Variants in SH2D3A observed in about 807,000 individuals in gnomAD.
The protein encoded by SH2D3A is SH2 domain containing 3A.
In SH2D3A, 46 loss-of-function variants were observed where a neutral mutation model predicts 50.6. That is an observed-to-expected ratio of 0.91 (90% CI 0.72 to 1.16). SH2D3A has a LOEUF of 1.16. Ranked by LOEUF, SH2D3A falls within the 50% of genes most tolerant of loss-of-function variation. The probability of loss-of-function intolerance (pLI) is 0.00; values close to 1 mark genes in which losing one functional copy is unlikely to be tolerated. For synonymous variants in SH2D3A, 377 were observed against 348.4 expected (o/e 1.08, Z -0.91); for missense variants, 783 against 786.2 (o/e 1.00, Z 0.05).
chr19:6,766,137 C>T (rs1970295073), intron 1 of SH2D3A, among the ~76,000 whole-genome samples: 1 of 152,176 alleles, frequency 6.6e-6, no homozygotes, highest in Non-Finnish European at 1.5e-5. Flanking sequence ...AGGGGAGGAG[C>T]GCTGGGCAGG....
At chr19:6,761,022 A>C (rs1843612813) in intron 2 of SH2D3A, 35 bp from the exon 3 acceptor site, 1 of 1,540,882 alleles carries the variant, frequency 6.5e-7, no homozygotes, top group African/African-American at 1.4e-5. Flanking sequence ...GGGAATTAGG[A>C]ATGAGTCCAG....
Position 6,754,419 on chromosome 19 carries a change from C to G in SH2D3A, c.1104G>C (p.Gln368His). The change falls in exon 7 of 10, where the codon CAG (glutamine) becomes CAC (histidine). Residue 368 changes from glutamine (Q) to histidine (H), a missense_variant. Physicochemically the swap from Gln to His is conservative, Grantham distance 24. Transcript: ENST00000245908. ...CCAGCGCCCCGGCCAGCGCCAGTGT[C>G]TGATGCCTGCAGAGGTGGAGGGCAA... is the stretch of plus-strand genomic sequence containing the variant. ...HLRLELLERH[Q>H]TLALAGALAV... 1 of 1,525,714 alleles carries G rather than the reference C, an allele frequency of 6.6e-7. No homozygotes were observed. The highest frequency in any genetic ancestry group is 1.3e-5 in the South Asian group (1 of 77,982). The allele number at this position is 1,525,714 out of a possible 1,614,324, so 94.5% of individuals were successfully genotyped here.
In SH2D3A at chr19:6,760,595, C is replaced by T. The variant is rs529115040; in HGVS notation, c.419+43G>A. On this transcript the variant is annotated intron_variant, in intron 3 of 9. Coordinates refer to ENST00000245908, the MANE Select transcript of SH2D3A (RefSeq NM_005490.3). ...TCAACCATTGAGTTGGAAAACCCTG[C>T]GAGTGTTGGGTGTTCTCAAGGAGGC... 5.5e-6 allele frequency: 8 copies of T among 1,448,732 alleles called. No homozygotes were observed. In the East Asian group the frequency reaches 7.1e-5, roughly 13 times the overall value. The allele number at this position is 1,448,732 out of a possible 1,614,324, so 89.7% of individuals were successfully genotyped here.
chr19:6,754,278 T>G lies in SH2D3A; in HGVS notation c.1245A>C (p.Ala415=), dbSNP rs371546821. ...GAAGDLPGLA[A]VMGALLMPQV... is the part of the protein sequence containing the mutation. Reference sequence around the variant, plus strand: ...GGGGCATGAGCAGGGCGCCCATGACTGCAGCCAGCCCGGGCAGGTCCCCCG... The same window carrying G: ...GGGGCATGAGCAGGGCGCCCATGACGGCAGCCAGCCCGGGCAGGTCCCCCG... The change falls in exon 7 of 10, where the codon GCA becomes GCC. Residue 415 remains alanine (A), a synonymous_variant. Transcript: ENST00000245908. 89 of 1,591,756 alleles carry G rather than the reference T, an allele frequency of 5.6e-5. No individual in the cohort carries two copies. The highest frequency in any genetic ancestry group is 5.1e-5 in the Admixed American group (3 of 58,894).
In SH2D3A at chr19:6,755,301, G is replaced by A. The variant is rs2145582544; in HGVS notation, c.511C>T (p.Pro171Ser). 2.6e-6 allele frequency: 4 copies of A among 1,513,318 alleles called. No individual in the cohort carries two copies. The highest frequency in any genetic ancestry group is 1.3e-5 in the South Asian group (1 of 74,504). 93.7% of individuals were successfully genotyped at this position (1,513,318 alleles called of 1,614,324 possible). Residue 171 changes from proline to serine, a missense_variant, in exon 5 of 10, where the codon CCC becomes TCC. By Grantham distance (74) the Pro-to-Ser change is moderately conservative. Transcript: ENST00000245908. ...CTCGTTCGGGGCAAGGCAGATATGG[G>A]CATGGTGGAGGCTTCTAGAGGTCAT... Reference protein sequence around the residue: ...DPAGMEASTMPISALPRTSSD... With the variant: ...DPAGMEASTMSISALPRTSSD...
Position 6,755,154 on chromosome 19 carries a change from C to T in SH2D3A, c.658G>A (p.Glu220Lys), listed in dbSNP as rs747117071. The T allele has an allele frequency of 3.9e-5, 63 of 1,608,896 alleles. No homozygotes were observed. Among genetic ancestry groups the T allele is most frequent in the African/African-American group, 9.4e-5 (7 of 74,778 alleles). ...GGACGTTCAGAGGCATCAGGCAGTT[C>T]GAAGGAGGGTGTCCGGGGGGGCTTC... ...PTKPPRTPSF[E>K]LPDASERPPT... is the part of the protein sequence containing the mutation. The change falls in exon 5 of 10, where the codon GAA becomes AAA. Residue 220 changes from glutamate to lysine, a missense_variant. Transcript: ENST00000245908.
At chr19:6,753,950 C>T (rs1969486782) in intron 8 of SH2D3A, 102 bp downstream of exon 8, 1 of 1,362,822 alleles carries the variant, frequency 7.3e-7, no homozygotes, top group Non-Finnish European at 9.8e-7. Flanking sequence ...GTGAAGGGAC[C>T]GGGCCTAGAA....
At chr19:6,753,916 C>T (rs1247793404) in intron 8 of SH2D3A, 136 bp downstream of exon 8, 2 of 1,154,966 alleles carry the variant, frequency 1.7e-6, no homozygotes, top group East Asian at 2.6e-5. Flanking sequence ...AGGACCAACC[C>T]TCATGTGGAG....
chr19:6,761,103 C>A, intron 2 of SH2D3A, 116 bp from the exon 3 acceptor site: 1 of 795,794 alleles, frequency 1.3e-6, no homozygotes, highest in African/African-American at 1.7e-5. Flanking sequence ...AGTGAAACTT[C>A]TGTGGCAGGC....
chr19:6,753,039 G>A, intron 9 of SH2D3A: 8 of 985,396 alleles, frequency 8.1e-6, no homozygotes, highest in Non-Finnish European at 9.6e-6. Context: ...CCTGGACGTG[G>A]GGCTGCCCCG....
At chr19:6,759,395 G>C (rs950553440) in intron 4 of SH2D3A, 199 bp downstream of exon 4, 15 of 493,158 alleles carry the variant, frequency 3.0e-5, no homozygotes, top group South Asian at 1.9e-4. Context: ...TTACAGGCAT[G>C]AGCCACCGCG....
chr19:6,760,890 G>A lies in SH2D3A; in HGVS notation c.167C>T (p.Ser56Leu), dbSNP rs770909990. 43 of 1,614,106 alleles carry A rather than the reference G, an allele frequency of 2.7e-5. No homozygotes were observed. In the South Asian group the frequency reaches 4.2e-4, roughly 16 times the overall value. The change falls in exon 3 of 10, where the codon TCA becomes TTA. Residue 56 changes from serine to leucine, a missense_variant. Ser to Leu is a moderately radical substitution (Grantham distance 145). Transcript: ENST00000245908. ...NPVISCRWRG[S>L]ALHFEVFRVA... ...ACGGAACACCTCAAAATGGAGGGCT[G>A]AGCCCCGCCAGCGGCAGGAGATCAC...
chr19:6,753,046 C>A (rs2145567120), intron 9 of SH2D3A: 1 of 985,292 alleles, frequency 1.0e-6, no homozygotes, highest in Admixed American at 6.1e-5. Context: ...GTGGGGCTGC[C>A]CCGAGGACGG....
chr19:6,760,041 C>T (rs2144618308), intron 3 of SH2D3A, among the ~76,000 whole-genome samples: 1 of 152,052 alleles, frequency 6.6e-6, no homozygotes, highest in African/African-American at 2.4e-5. Context: ...AAGTTCAAGA[C>T]CAGCCAGGCC....
At chr19:6,756,351 C>T (rs1277048737) in intron 4 of SH2D3A, among the ~76,000 whole-genome samples, 4 of 151,110 alleles carry the variant, frequency 2.6e-5, no homozygotes, top group Non-Finnish European at 5.9e-5. Flanking sequence ...TATAGAGAGA[C>T]AAAGTATAAA....
chr19:6,763,556 G>C (rs1970144545), intron 2 of SH2D3A, 124 bp downstream of exon 2: 2 of 747,752 alleles, frequency 2.7e-6, no homozygotes, highest in Non-Finnish European at 4.3e-6. Flanking sequence ...ACAGTCCCCA[G>C]CCCTCTGCCA....
At chr19:6,761,239 G>A (rs1599592163) in intron 2 of SH2D3A, 3 of 492,134 alleles carry the variant, frequency 6.1e-6, no homozygotes. Context: ...GGGATGTGGG[G>A]TAGAAGGGCT....
rs1381962109 is a variant in SH2D3A at position 6,760,958 on chromosome 19, G to A, written c.99C>T (p.Gly33=). ...ACCCAGAGGCGCGAACCAGGAAGTC[G>A]CCATTTTGCTGAAGAAGAGCTTCAG... is the stretch of plus-strand genomic sequence containing the variant. ...QKAEALLQQN[G]DFLVRASGSR... is the part of the protein sequence containing the mutation. The change falls in exon 3 of 10, where the codon GGC becomes GGT. Residue 33 remains glycine (G), a synonymous_variant. Transcript: ENST00000245908. 1.2e-6 allele frequency: 2 copies of A among 1,611,918 alleles called. No homozygotes were observed. Among genetic ancestry groups the A allele is most frequent in the African/African-American group, 1.3e-5 (1 of 74,890 alleles).
intron 4 of SH2D3A, chr19:6,758,664 C>T (rs1248874667): frequency 1.3e-5 from 2 of 152,234 alleles, no homozygotes; most frequent in Non-Finnish European, 2.9e-5. Context: ...TTTTGTGGTT[C>T]ATGGTTTGTT....
Sources: allele counts gnomAD v4.1 joint callset (sites outside exome capture counted in the v4.1 genomes callset), GRCh38; gene constraint gnomAD v4.1.1; transcripts MANE v1.5; gene names NCBI Gene and HGNC (gene_info 2026-07-23, HGNC 2026-07-21).